NSD2: variants seen among roughly 807,000 people sequenced by gnomAD.
The protein encoded by NSD2 is histone-lysine N-methyltransferase NSD2.
Under a neutral mutation model 139.0 loss-of-function variants are expected in NSD2, and 12 were observed. That is an observed-to-expected ratio of 0.09 (90% CI 0.06 to 0.14). NSD2 has a LOEUF of 0.14. Ranked by LOEUF, NSD2 falls within the 10% of genes least tolerant of loss-of-function variation. The pLI is 1.00. For missense variants in NSD2, 1,155 were observed against 1,745.0 expected, an observed-to-expected ratio of 0.66 and a Z score of 6.02; for synonymous variants, 669 against 648.7, an observed-to-expected ratio of 1.03 and a Z score of -0.48.
At chr4:1,945,122 C>G in intron 9 of NSD2, 1 of 1,066,708 alleles carries the variant, frequency 9.4e-7, no homozygotes, top group Middle Eastern at 4.2e-4. Flanking sequence ...CCGAGAGGTC[C>G]CCGCAGCTCT....
chr4:1,944,892 CTT>C, intron 9 of NSD2: 2 of 1,063,270 alleles, frequency 1.9e-6, no homozygotes, highest in Non-Finnish European at 2.3e-6. Flanking sequence ...TATTTTATCT[CTT>C]ATACCTGTAT....
In NSD2 at chr4:1,966,589, G is replaced by A. The variant is rs574758473; in HGVS notation, c.3372+5438G>A. ...GGAGAATGGCGTGAACCCGGGAGGC[G>A]GAACTTGCAGTGAGCCAAGATCGTG... On this transcript the variant is annotated intron_variant, in intron 18 of 21. Coordinates refer to ENST00000508803, the MANE Select transcript of NSD2 (RefSeq NM_001042424.3). Among the ~76,000 whole-genome samples the A allele has an allele frequency of 1.6e-3, 237 of 151,600 alleles. 1 individual carries two copies. In the South Asian group the frequency reaches 0.019, roughly 12 times the overall value.
chr4:1,900,580 A>G, intron 1 of NSD2, 46 bp from the exon 2 acceptor site: 1 of 1,340,642 alleles, frequency 7.5e-7, no homozygotes, highest in Non-Finnish European at 1.0e-6. Context: ...CTAGGTTTTA[A>G]ATGTAATTGC....
intron 1 of NSD2, among the ~76,000 whole-genome samples, chr4:1,889,160 A>C (rs1017601192): frequency 2.6e-5 from 4 of 151,826 alleles, no homozygotes; most frequent in Non-Finnish European, 4.4e-5. Context: ...GGCCTCCCAA[A>C]GTGCTGGGAT....
intron 17 of NSD2, among the ~76,000 whole-genome samples, chr4:1,960,812 C>T (rs1044229312): frequency 6.6e-6 from 1 of 151,870 alleles, no homozygotes; most frequent in Non-Finnish European, 1.5e-5. Flanking sequence ...GGCATATTGC[C>T]ACTTCGTGAA....
intron 3 of NSD2, among the ~76,000 whole-genome samples, chr4:1,908,230 G>A (rs1246671459): frequency 6.6e-6 from 1 of 152,180 alleles, no homozygotes; most frequent in African/African-American, 2.4e-5. Context: ...TCAGACCTAG[G>A]TCAGAAAGGC....
chr4:1,872,589 TGTGAGAGAGAGAGAGAGA>T (rs1422873345), intron 1 of NSD2, among the ~76,000 whole-genome samples: 25 of 44,418 alleles, frequency 5.6e-4, no homozygotes, highest in Middle Eastern at 9.4e-3. Context: ...TGTGTGTGTG[TGTGAGAGAGAGAGAGAGA>T]GAGAGAGAGA....
At chr4:1,951,661 C>T (rs1007515989) in intron 10 of NSD2, among the ~76,000 whole-genome samples, 2 of 152,238 alleles carry the variant, frequency 1.3e-5, no homozygotes, top group African/African-American at 2.4e-5. Flanking sequence ...GCCAGGCCAC[C>T]TACACTCTGT....
At position 1,942,742 on chromosome 4, in the gene NSD2, C is replaced by T. The variant is rs557616162; in HGVS notation, c.1881+2964C>T. The T allele has an allele frequency of 1.3e-4, 146 of 1,091,234 alleles. No homozygotes were observed. Among genetic ancestry groups the T allele is most frequent in the Non-Finnish European group, 1.2e-4 (103 of 894,588 alleles). 67.6% of individuals were successfully genotyped at this position (1,091,234 alleles called of 1,614,324 possible). ...GGGTGGCCCTGTTAGAGTTGCTTCT[C>T]CTCTAGTTTGTAACTTACTGGACTT... On this transcript the variant is annotated intron_variant, in intron 9 of 21. Transcript: ENST00000508803. This position sits in a 1 kb window ranked among gnomAD's most constrained non-coding sequence, Gnocchi z 4.0.
Position 1,982,039 on chromosome 4 carries a change from A to AGACT in NSD2, c.*3131_*3134dup, listed in dbSNP as rs2109047463. Reference sequence around the variant, plus strand: ...GGTGCTGTCACCAGGTTTGATAGTTAGACTTAAAAACTTGAAATTCACTTT... The same window carrying AGACT: ...GGTGCTGTCACCAGGTTTGATAGTTAGACTGACTTAAAAACTTGAAATTCACTTT... On this transcript the variant is annotated 3_prime_UTR_variant, in exon 22 of 22. Coordinates refer to ENST00000508803, the MANE Select transcript of NSD2 (RefSeq NM_001042424.3). 2.5e-6 allele frequency: 1 copy of AGACT among 398,124 alleles called. No homozygotes were observed. The allele number at this position is 398,124 out of a possible 1,614,324, so 24.7% of individuals were successfully genotyped here.
At chr4:1,946,217 GCTT>G (rs1273342079) in intron 9 of NSD2, 1 of 1,015,948 alleles carries the variant, frequency 9.8e-7, no homozygotes, top group Non-Finnish European at 1.2e-6. Flanking sequence ...GCTGTTATTG[GCTT>G]CTTAACTTCT....
Position 1,939,747 on chromosome 4 carries a change from C to T in NSD2, c.1850C>T (p.Ser617Leu), listed in dbSNP as rs1722885660. Residue 617 changes from serine to leucine, a missense_variant, in exon 9 of 22, where the codon TCA (serine) becomes TTA (leucine). Around this residue, in one of 8 missense-constraint regions of NSD2, gnomAD observed 420 missense variants for 469.0 expected, o/e 0.90. Transcript: ENST00000508803. Reference protein sequence around the residue: ...ASSALGFSKSSSPSASLTENE... With the variant: ...ASSALGFSKSLSPSASLTENE... ...TCAGCTCTTGGGTTTAGCAAAAGTT[C>T]ATCTCCTTCTGCATCCTTAACTGAG... 1.9e-6 allele frequency: 3 copies of T among 1,614,058 alleles called. No homozygotes were observed. The highest frequency in any genetic ancestry group is 1.3e-5 in the African/African-American group (1 of 74,930).
chr4:1,935,113 C>T (rs752663390), intron 6 of NSD2, 31 bp from the exon 7 acceptor site: 2 of 1,573,948 alleles, frequency 1.3e-6, no homozygotes, highest in East Asian at 2.3e-5. Flanking sequence ...GAGTGGTTTT[C>T]ATGTACATTT....
In NSD2 at chr4:1,956,153, A is replaced by G. The variant is rs1724780840; in HGVS notation, c.2846A>G (p.Gln949Arg). ...YMEGDRGSRY[Q>R]GVRGIGRVFK... ...GAGGGGGACCGGGGCAGCCGCTACCAGGGGGTCAGAGGGATCGGAAGAGTC... is the reference window on the plus strand; with the variant it reads ...GAGGGGGACCGGGGCAGCCGCTACCGGGGGGTCAGAGGGATCGGAAGAGTC... Residue 949 changes from glutamine (Q) to arginine (R), a missense_variant, in exon 15 of 22, where the codon CAG (glutamine) becomes CGG (arginine). By Grantham distance (43) the Gln-to-Arg change is conservative. Transcript: ENST00000508803. The surrounding 1 kb of genome is among the most constrained non-coding windows in gnomAD (Gnocchi z 5.3). The G allele has an allele frequency of 1.9e-6, 3 of 1,613,216 alleles. No individual in the cohort carries two copies. The highest frequency in any genetic ancestry group is 1.3e-5 in the African/African-American group (1 of 74,916).
chr4:1,976,805 C>T lies in NSD2; in HGVS notation c.3826+126C>T, dbSNP rs950096001. The stretch of plus-strand genomic sequence containing the variant: ...GCAGGCACATCAGGCGCTCATGCAG[C>T]GAAGGCCCTGATCCAGGGTGGCAGA... On this transcript the variant is annotated intron_variant, in intron 21 of 21. Coordinates refer to ENST00000508803, the MANE Select transcript of NSD2 (RefSeq NM_001042424.3). The surrounding 1 kb of genome is among the most constrained non-coding windows in gnomAD (Gnocchi z 5.3). 6.7e-5 allele frequency: 66 copies of T among 983,240 alleles called. No homozygotes were observed. The highest frequency in any genetic ancestry group is 3.3e-4 in the Middle Eastern group (1 of 3,056). 60.9% of individuals were successfully genotyped at this position (983,240 alleles called of 1,614,324 possible).
intron 1 of NSD2, among the ~76,000 whole-genome samples, chr4:1,873,513 C>G (rs1486789297): frequency 1.3e-5 from 2 of 152,128 alleles, no homozygotes; most frequent in Non-Finnish European, 2.9e-5. Context: ...CTGAAGTGTG[C>G]GGACCCAAAT....
chr4:1,931,173 T>C (rs748330151), intron 6 of NSD2, among the ~76,000 whole-genome samples: 6 of 152,306 alleles, frequency 3.9e-5, no homozygotes, highest in East Asian at 1.9e-4. Flanking sequence ...GCAGCACTTT[T>C]CTTGCTTCTG....
intron 1 of NSD2, among the ~76,000 whole-genome samples, chr4:1,872,611 A>AGAGAGAGAGAGAGAGAGAGAGAGG (rs1713920983): frequency 7.0e-6 from 1 of 142,696 alleles, no homozygotes; most frequent in Non-Finnish European, 1.5e-5. Context: ...AGAGAGAGAG[A>AGAGAGAGAGAGAGAGAGAGAGAGG]GAGAGAGAGA....
chr4:1,975,878 T>G (rs1185727521), intron 20 of NSD2, among the ~76,000 whole-genome samples: 1 of 152,204 alleles, frequency 6.6e-6, no homozygotes, highest in Admixed American at 6.5e-5. Context: ...TTAACAGATC[T>G]CATTGACAAT....
Sources: allele counts gnomAD v4.1 joint callset (sites outside exome capture counted in the v4.1 genomes callset), GRCh38; gene constraint gnomAD v4.1.1; regional missense constraint gnomAD v4.1.1; non-coding constraint Gnocchi (gnomAD v3.1); transcripts MANE v1.5; gene names NCBI Gene and HGNC (gene_info 2026-07-23, HGNC 2026-07-21).